Variants in EBF4 observed in about 807,000 individuals in gnomAD.
EBF4 encodes EBF transcription factor 4, also known as transcription factor COE4.
Under a neutral mutation model 67.1 loss-of-function variants are expected in EBF4, and 34 were observed. The observed-to-expected ratio is 0.51, with a 90% CI of 0.39 to 0.67. The LOEUF is 0.67. EBF4 is among the 30% of genes least tolerant of loss of function. The pLI, the probability that EBF4 is intolerant of heterozygous loss-of-function variation, is 0.00. For missense variants in EBF4, 837 were observed against 873.3 expected (o/e 0.96, Z 0.52); for synonymous variants, 387 against 377.7 (o/e 1.02, Z -0.29).
intron 6 of EBF4, among the ~76,000 whole-genome samples, chr20:2,736,989 CT>C (rs2087888305): frequency 6.6e-6 from 1 of 152,072 alleles, no homozygotes; most frequent in South Asian, 2.1e-4. Context: ...GTGGCTCACG[CT>C]TGTAATCCCA....
At chr20:2,716,220 TAAA>T (rs35206416) in intron 6 of EBF4, among the ~76,000 whole-genome samples, 30 of 118,220 alleles carry the variant, frequency 2.5e-4, no homozygotes, top group Admixed American at 3.5e-4. Context: ...GACCCTGTCT[TAAA>T]AAAAAAAAAA....
At chr20:2,723,251 A>T (rs1456448342) in intron 6 of EBF4, among the ~76,000 whole-genome samples, 1 of 152,146 alleles carries the variant, frequency 6.6e-6, no homozygotes, top group African/African-American at 2.4e-5. Flanking sequence ...CCCTCAAAAC[A>T]CTTTTGGTGA....
intron 6 of EBF4, among the ~76,000 whole-genome samples, chr20:2,717,654 CTTG>C (rs944381036): frequency 4.6e-5 from 7 of 151,906 alleles, no homozygotes; most frequent in African/African-American, 1.7e-4. Context: ...TTAGATTTGC[CTTG>C]TTTTTATTTT....
At chr20:2,705,514 G>A in intron 1 of EBF4, 63 bp from the exon 2 acceptor site, 1 of 1,549,884 alleles carries the variant, frequency 6.5e-7, no homozygotes, top group East Asian at 2.4e-5. Context: ...CCTGGCCCGA[G>A]GCGCTGGAGT....
chr20:2,693,583 C>T lies in EBF4; in HGVS notation c.-63C>T. 1 of 1,323,302 alleles carries T rather than the reference C, an allele frequency of 7.6e-7. No homozygotes were observed. Among genetic ancestry groups the T allele is most frequent in the Non-Finnish European group, 9.6e-7 (1 of 1,039,596 alleles). 82.0% of individuals were successfully genotyped at this position (1,323,302 alleles called of 1,614,324 possible). A position where few individuals can be genotyped will look rare whatever the true frequency, so the allele number is the denominator to read the frequency against. On this transcript the variant is annotated 5_prime_UTR_variant, in exon 1 of 17. In the 5' UTR this introduces an upstream ATG that the reference lacks. Transcript: ENST00000609451. The surrounding 1 kb of genome is among the most constrained non-coding windows in gnomAD (Gnocchi z 4.6). ...TGCCGTCGGGTCGGGCTGAGCTAGA[C>T]GCCCGCAGCCTCAGCGGGACCGGAT...
chr20:2,732,668 T>C (rs1489554222), intron 6 of EBF4, among the ~76,000 whole-genome samples: 1 of 152,228 alleles, frequency 6.6e-6, no homozygotes, highest in Non-Finnish European at 1.5e-5. Flanking sequence ...ATAGTTGGAT[T>C]GTGTTGTAGT....
chr20:2,734,069 T>C (rs898918493), intron 6 of EBF4, among the ~76,000 whole-genome samples: 1 of 152,184 alleles, frequency 6.6e-6, no homozygotes, highest in Non-Finnish European at 1.5e-5. Flanking sequence ...TTTTTAGACA[T>C]AGTTTCCTTT....
Position 2,759,003 on chromosome 20 carries a change from C to A in EBF4, c.*5+19C>A. The A allele has an allele frequency of 1.3e-6, 2 of 1,549,694 alleles. No homozygotes were observed. The highest frequency in any genetic ancestry group is 2.4e-5 in the South Asian group (2 of 83,986). Reference sequence around the variant, plus strand: ...AATTACGGTAGGTCTCTGGCTGGGTCTGGCCTCCCCCGCCCCACCTGGCCC... The same window carrying A: ...AATTACGGTAGGTCTCTGGCTGGGTATGGCCTCCCCCGCCCCACCTGGCCC... On this transcript the variant is annotated intron_variant, in intron 16 of 16. Transcript: ENST00000609451.
chr20:2,737,250 C>CAA (rs777580766), intron 6 of EBF4, among the ~76,000 whole-genome samples: 20,555 of 114,434 alleles, frequency 0.18, 1,997 homozygotes, highest in African/African-American at 0.26. Context: ...AACTCCGTCT[C>CAA]AAAAAAAAAA....
intron 1 of EBF4, among the ~76,000 whole-genome samples, chr20:2,695,580 T>A (rs1256202586): frequency 6.6e-6 from 1 of 152,194 alleles, no homozygotes; most frequent in Non-Finnish European, 1.5e-5. Flanking sequence ...GGACATAGAC[T>A]AGGAGCCCCC....
In EBF4 at chr20:2,745,055, AG is replaced by A. The variant is rs1317985905; in HGVS notation, c.558-3493del. Among the ~76,000 whole-genome samples, 1 of 152,180 alleles carries A rather than the reference AG, an allele frequency of 6.6e-6. No homozygotes were observed. The highest frequency in any genetic ancestry group is 1.5e-5 in the Non-Finnish European group (1 of 68,028). On this transcript the variant is annotated intron_variant, in intron 6 of 16. Transcript: ENST00000609451. The surrounding 1 kb of genome is among the most constrained non-coding windows in gnomAD (Gnocchi z 5.2). ...CATGCCGCGTGGGGCTGGTGGCTATAGTAATGGGTAGCGCAGCTCCAGTGCG... is the reference window on the plus strand; with the variant it reads ...CATGCCGCGTGGGGCTGGTGGCTATATAATGGGTAGCGCAGCTCCAGTGCG...
chr20:2,757,364 C>A (rs183287791), intron 15 of EBF4, among the ~76,000 whole-genome samples: 14 of 151,702 alleles, frequency 9.2e-5, no homozygotes, highest in African/African-American at 3.1e-4. Flanking sequence ...GCCCTGCACA[C>A]AGAATGGGGT....
intron 1 of EBF4, among the ~76,000 whole-genome samples, chr20:2,704,619 C>T (rs1413055662): frequency 6.6e-6 from 1 of 152,226 alleles, no homozygotes; most frequent in Non-Finnish European, 1.5e-5. Context: ...AGGGGAAAGC[C>T]ACCATTCCAT....
intron 1 of EBF4, among the ~76,000 whole-genome samples, chr20:2,701,074 G>A (rs1304873207): frequency 6.6e-6 from 1 of 152,196 alleles, no homozygotes; most frequent in Non-Finnish European, 1.5e-5. Flanking sequence ...AAGGGGCGGG[G>A]GCCGTCATTA....
rs201202640 is a variant in EBF4, at chr20:2,747,319, A to AAC, written c.558-1229_558-1228insCA. 0.028 allele frequency among the ~76,000 whole-genome samples: 4,120 copies of AAC among 147,344 alleles called. 203 individuals are homozygous for AAC. Among genetic ancestry groups the AAC allele is most frequent in the African/African-American group, 0.097 (3,787 of 39,028 alleles). ...CTCAAAACAAAAAACAAAACAAACA[A>AAC]AAAAAAAAAAACAGGAAAAAAAAGA... On this transcript the variant is annotated intron_variant, in intron 6 of 16. Transcript: ENST00000609451. This position sits in a 1 kb window ranked among gnomAD's most constrained non-coding sequence, Gnocchi z 4.6.
chr20:2,705,785 C>CCACA (rs71193988), intron 2 of EBF4, 52 bp downstream of exon 2: 48,597 of 736,610 alleles, frequency 0.066, 774 homozygotes, highest in East Asian at 0.075. Flanking sequence ...GAACCCCCAA[C>CCACA]CACACACACA....
rs1166224293 is a variant in EBF4, at chr20:2,751,424, T to G, written c.1019-276T>G. Reference sequence around the variant, plus strand: ...GGTTTCCCTTTTTTCTAATCACAAATGGGTGCATGTGTGTTCATACCAAGC... The same window carrying G: ...GGTTTCCCTTTTTTCTAATCACAAAGGGGTGCATGTGTGTTCATACCAAGC... On this transcript the variant is annotated intron_variant, in intron 10 of 16. Coordinates refer to ENST00000609451, the Ensembl canonical transcript of EBF4. The surrounding 1 kb of genome is among the most constrained non-coding windows in gnomAD (Gnocchi z 5.2). Among the ~76,000 whole-genome samples, 1 of 152,206 alleles carries G rather than the reference T, an allele frequency of 6.6e-6. No homozygotes were observed. The highest frequency in any genetic ancestry group is 2.4e-5 in the African/African-American group (1 of 41,454).
rs533640511 is a variant in EBF4, at chr20:2,755,676, G to A, written c.1590G>A (p.Pro530=). 3.9e-5 allele frequency: 48 copies of A among 1,218,252 alleles called. No homozygotes were observed. In the East Asian group the frequency reaches 2.6e-3, roughly 67 times the overall value. 75.5% of individuals were successfully genotyped at this position (1,218,252 alleles called of 1,614,324 possible). A position where few individuals can be genotyped will look rare whatever the true frequency, so the allele number is the denominator to read the frequency against. Residue 530 remains proline (P), a synonymous_variant, in exon 15 of 17, where the codon CCG becomes CCA. Transcript: ENST00000609451. The surrounding 1 kb of genome is among the most constrained non-coding windows in gnomAD (Gnocchi z 4.7). Reference sequence around the variant, plus strand: ...CGGCTGCCTCCTCCATGTCCCTCCCGGCCGCTGCCCCCACCACCAGCGTGT... The same window carrying A: ...CGGCTGCCTCCTCCATGTCCCTCCCAGCCGCTGCCCCCACCACCAGCGTGT...
intron 5 of EBF4, among the ~76,000 whole-genome samples, chr20:2,708,460 C>T (rs1314970911): frequency 6.6e-6 from 1 of 152,220 alleles, no homozygotes; most frequent in Non-Finnish European, 1.5e-5. Context: ...GCTCCCTTTT[C>T]CCCATTATCC....
Sources: gnomAD v4.1 joint callset for allele counts (sites outside exome capture counted in the v4.1 genomes callset) on GRCh38, gnomAD v4.1.1 for gene constraint, Gnocchi (gnomAD v3.1) non-coding constraint, MANE v1.5 for transcripts, NCBI Gene and HGNC (gene_info 2026-07-23, HGNC 2026-07-21) for gene names.